TCF4: variants seen among roughly 807,000 people sequenced by gnomAD.
TCF4 encodes the protein transcription factor 4, also known as SL3-3 enhancer factor 2.
Under a neutral mutation model 82.1 loss-of-function variants are expected in TCF4, and 3 were observed. That is an observed-to-expected ratio of 0.04 (90% confidence interval 0.02 to 0.09). TCF4 has a LOEUF of 0.09. Among genes scored for constraint, TCF4 ranks in the 10% least tolerant of loss-of-function variants. TCF4 has a pLI of 1.00. For synonymous variants in TCF4, 276 were observed against 309.6 expected, an observed-to-expected ratio of 0.89 and a Z score of 1.14; for missense variants, 518 against 852.7, an observed-to-expected ratio of 0.61 and a Z score of 4.89.
At chr18:55,527,635 C>T (rs549578082) in intron 3 of TCF4, among the ~76,000 whole-genome samples, 3 of 152,212 alleles carry the variant, frequency 2.0e-5, no homozygotes, top group South Asian at 4.2e-4. Context: ...AAAAGCATAA[C>T]ACCACGTGCA....
intron 15 of TCF4, among the ~76,000 whole-genome samples, chr18:55,235,139 A>ATT (rs368049891): frequency 1.4e-5 from 2 of 147,786 alleles, no homozygotes; most frequent in Non-Finnish European, 3.0e-5. Context: ...CAGGCCTGCC[A>ATT]TTTTTTTTTT....
At chr18:55,387,564 G>C (rs930237624) in intron 6 of TCF4, among the ~76,000 whole-genome samples, 16 of 152,344 alleles carry the variant, frequency 1.1e-4, no homozygotes, top group Non-Finnish European at 1.9e-4. Context: ...AGTGTTATCA[G>C]TGATTATTAT....
At chr18:55,479,902 A>C (rs1018273342) in intron 3 of TCF4, among the ~76,000 whole-genome samples, 2 of 152,186 alleles carry the variant, frequency 1.3e-5, no homozygotes, top group African/African-American at 4.8e-5. Context: ...ACGCAGTTAG[A>C]GCTGGCACCA....
intron 3 of TCF4, among the ~76,000 whole-genome samples, chr18:55,541,461 C>A (rs1288024297): frequency 6.6e-6 from 1 of 151,976 alleles, no homozygotes; most frequent in South Asian, 2.1e-4. Flanking sequence ...ACATCAAATT[C>A]TCTTTTCTTA....
intron 11 of TCF4, 123 bp from the exon 12 acceptor site, chr18:55,261,656 TA>T: frequency 9.6e-7 from 1 of 1,041,084 alleles, no homozygotes; most frequent in Non-Finnish European, 1.5e-6. Flanking sequence ...CATTAATCTT[TA>T]ATTAGCATTA....
intron 2 of TCF4, among the ~76,000 whole-genome samples, chr18:55,626,121 A>G (rs2097726322): frequency 6.6e-6 from 1 of 152,212 alleles, no homozygotes; most frequent in Admixed American, 6.5e-5. Flanking sequence ...ATTCCAACTC[A>G]TTAGGGAGAA....
At chr18:55,244,633 G>T (rs1442165744) in intron 15 of TCF4, among the ~76,000 whole-genome samples, 1 of 152,224 alleles carries the variant, frequency 6.6e-6, no homozygotes, top group Non-Finnish European at 1.5e-5. Flanking sequence ...GTCGGCCTCT[G>T]AAGTCTTTCT....
intron 2 of TCF4, among the ~76,000 whole-genome samples, chr18:55,629,339 C>G (rs1381094289): frequency 1.3e-5 from 2 of 152,056 alleles, no homozygotes; most frequent in Non-Finnish European, 2.9e-5. Flanking sequence ...CTGGATATAC[C>G]AAATTAAAAT....
At chr18:55,248,577 C>G (rs1389001542) in intron 15 of TCF4, among the ~76,000 whole-genome samples, 1 of 152,178 alleles carries the variant, frequency 6.6e-6, no homozygotes, top group East Asian at 1.9e-4. Context: ...AGCCTAGGGC[C>G]AACTACAGAG....
chr18:55,595,675 T>C (rs1466265445), intron 2 of TCF4, among the ~76,000 whole-genome samples: 1 of 152,158 alleles, frequency 6.6e-6, no homozygotes, highest in African/African-American at 2.4e-5. Flanking sequence ...TCATTCTGAG[T>C]GTCCATGGAA....
At position 55,423,218 on chromosome 18, in the gene TCF4, A is replaced by G. The variant is rs2094840990; in HGVS notation, c.305-19700T>C. Among the ~76,000 whole-genome samples the G allele has an allele frequency of 3.9e-5, 6 of 152,308 alleles. No individual in the cohort carries two copies. The South Asian group carries it at 1.2e-3, about 32-fold the overall frequency. On this transcript the variant is annotated intron_variant, in intron 5 of 19. Coordinates refer to ENST00000354452, the MANE Select transcript of TCF4 (RefSeq NM_001083962.2). ...AGCTTAATTAATGCCACGCTTAATT[A>G]TAACACCATGATGTCAGCGGTTTTA... is the stretch of plus-strand genomic sequence containing the variant.
chr18:55,465,859 G>C (rs897186746), intron 3 of TCF4, among the ~76,000 whole-genome samples: 1 of 152,152 alleles, frequency 6.6e-6, no homozygotes, highest in Non-Finnish European at 1.5e-5. Context: ...CAGCCAGCTT[G>C]GATTCATTTG....
chr18:55,357,161 A>C (rs2083762442), intron 6 of TCF4, among the ~76,000 whole-genome samples: 2 of 152,188 alleles, frequency 1.3e-5, no homozygotes, highest in South Asian at 4.1e-4. Context: ...GTATACACTA[A>C]AGCGAGGAGG....
chr18:55,455,948 C>T (rs568224900), intron 5 of TCF4, among the ~76,000 whole-genome samples: 2 of 152,304 alleles, frequency 1.3e-5, no homozygotes, highest in South Asian at 4.1e-4. Context: ...AAGAGTAAAA[C>T]TCCCTGTATT....
chr18:55,522,770 A>G (rs890812730), intron 3 of TCF4, among the ~76,000 whole-genome samples: 12 of 152,146 alleles, frequency 7.9e-5, no homozygotes, highest in African/African-American at 2.9e-4. Context: ...CATGAGAAAC[A>G]TGTATTATTT....
Position 55,545,173 on chromosome 18 carries a change from C to G in TCF4, c.145+40107G>C, listed in dbSNP as rs182536657. Among the ~76,000 whole-genome samples the G allele has an allele frequency of 1.2e-3, 181 of 152,288 alleles. 2 individuals carry two copies. The East Asian group carries it at 0.031, about 26-fold the overall frequency. On this transcript the variant is annotated intron_variant, in intron 3 of 19. Coordinates refer to ENST00000354452, the MANE Select transcript of TCF4 (RefSeq NM_001083962.2). ...TGCAAAACAGGGATCTGCTACTTCACAAAACAGTTGTGAAGACTGACTTAC... is the reference window on the plus strand; with the variant it reads ...TGCAAAACAGGGATCTGCTACTTCAGAAAACAGTTGTGAAGACTGACTTAC...
intron 3 of TCF4, among the ~76,000 whole-genome samples, chr18:55,545,909 T>C (rs905618957): frequency 2.0e-5 from 3 of 152,346 alleles, no homozygotes; most frequent in Admixed American, 6.5e-5. Context: ...ATTTCACTCA[T>C]AGGTTCTGGT....
intron 3 of TCF4, among the ~76,000 whole-genome samples, chr18:55,494,206 G>T (rs1157381314): frequency 6.9e-6 from 1 of 145,566 alleles, no homozygotes; most frequent in African/African-American, 2.6e-5. Context: ...TGTACAACCA[G>T]GAAGAAAAAG....
At chr18:55,290,286 G>C (rs1002638237) in intron 8 of TCF4, among the ~76,000 whole-genome samples, 68 of 152,170 alleles carry the variant, frequency 4.5e-4, no homozygotes, top group African/African-American at 1.6e-3. Flanking sequence ...CGATTGGAGT[G>C]AACAAGTTAA....
Sources: gnomAD v4.1 joint callset for allele counts (sites outside exome capture counted in the v4.1 genomes callset) on GRCh38, gnomAD v4.1.1 for gene constraint, MANE v1.5 for transcripts, NCBI Gene and HGNC (gene_info 2026-07-23, HGNC 2026-07-21) for gene names.